Variants in EXOC4 observed in about 807,000 individuals in gnomAD.
EXOC4 encodes the protein exocyst complex component 4, also known as SEC8-like 1.
In EXOC4, 71 loss-of-function variants were observed where a neutral mutation model predicts 107.2. The observed-to-expected ratio is 0.66, with a 90% CI of 0.55 to 0.81. The LOEUF is 0.81. EXOC4 is among the 30% of genes least tolerant of loss of function. EXOC4 has a pLI of 0.00. For missense variants in EXOC4, 1,108 were observed against 1,189.6 expected (o/e 0.93, Z 1.01); for synonymous variants, 456 against 441.2 (o/e 1.03, Z -0.42).
intron 10 of EXOC4, among the ~76,000 whole-genome samples, chr7:133,767,183 A>G (rs1157485327): frequency 6.6e-6 from 1 of 151,754 alleles, no homozygotes; most frequent in African/African-American, 2.4e-5. Context: ...AATTTCTTCT[A>G]CCTAGTCACT....
At chr7:133,799,567 A>C (rs1009205429) in intron 10 of EXOC4, among the ~76,000 whole-genome samples, 5 of 152,206 alleles carry the variant, frequency 3.3e-5, no homozygotes, top group African/African-American at 4.8e-5. Context: ...GACAGAAATA[A>C]TTTTGGATTC....
chr7:133,522,014 G>A (rs1799991082), intron 9 of EXOC4, among the ~76,000 whole-genome samples: 1 of 151,894 alleles, frequency 6.6e-6, no homozygotes, highest in Admixed American at 6.6e-5. Flanking sequence ...GATTTGAGTA[G>A]TTTATGACTC....
chr7:133,856,453 G>A (rs184311399), intron 11 of EXOC4, among the ~76,000 whole-genome samples: 1 of 152,324 alleles, frequency 6.6e-6, no homozygotes, highest in Admixed American at 6.5e-5. Context: ...GTAATTGCCT[G>A]TTTACTTCTC....
chr7:134,076,525 AAGAC>A, the EXOC4 span, among the ~76,000 whole-genome samples: 8 of 152,124 alleles, frequency 5.3e-5, no homozygotes, highest in Non-Finnish European at 1.0e-4. Context: ...CTCAAAAAAA[AAGAC>A]AGAAGCAACA....
chr7:133,756,642 G>T (rs1474140438), intron 10 of EXOC4, among the ~76,000 whole-genome samples: 1 of 152,130 alleles, frequency 6.6e-6, no homozygotes, highest in African/African-American at 2.4e-5. Context: ...ACCATCTGGG[G>T]ATCAAGAATC....
chr7:133,855,138 T>A (rs1300610227), intron 11 of EXOC4, among the ~76,000 whole-genome samples: 28 of 126,490 alleles, frequency 2.2e-4, no homozygotes, highest in African/African-American at 9.0e-4. Context: ...AATATATATA[T>A]ATATAAATAT....
chr7:133,484,416 G>A (rs1222276816), intron 9 of EXOC4, among the ~76,000 whole-genome samples: 2 of 152,128 alleles, frequency 1.3e-5, no homozygotes, highest in Non-Finnish European at 2.9e-5. Context: ...GTACTTAGCA[G>A]TGCTGGGAGT....
chr7:133,584,731 A>G (rs1002630874), intron 9 of EXOC4, among the ~76,000 whole-genome samples: 5 of 152,122 alleles, frequency 3.3e-5, no homozygotes, highest in Admixed American at 2.6e-4. Context: ...GATACGCTCT[A>G]TCACACCCAG....
At chr7:133,950,986 C>T (rs546651674) in intron 14 of EXOC4, among the ~76,000 whole-genome samples, 2 of 152,316 alleles carry the variant, frequency 1.3e-5, no homozygotes, top group South Asian at 4.1e-4. Context: ...GCTAGAGAAA[C>T]ACCCCCACAA....
chr7:133,919,089 A>G (rs926407439), intron 13 of EXOC4, among the ~76,000 whole-genome samples: 3 of 152,178 alleles, frequency 2.0e-5, no homozygotes, highest in Non-Finnish European at 4.4e-5. Context: ...ATGATTCTTG[A>G]AAGTGCATGT....
At chr7:133,862,337 A>G (rs1451403069) in intron 11 of EXOC4, among the ~76,000 whole-genome samples, 2 of 152,056 alleles carry the variant, frequency 1.3e-5, no homozygotes, top group Non-Finnish European at 2.9e-5. Context: ...AAATACAAAA[A>G]AATTAGCCAA....
chr7:133,331,173 A>G (rs546551405), intron 5 of EXOC4, among the ~76,000 whole-genome samples: 1 of 152,224 alleles, frequency 6.6e-6, no homozygotes, highest in Non-Finnish European at 1.5e-5. Context: ...AATGATTAGC[A>G]TCCGCTTAGC....
In EXOC4 at chr7:133,385,557, G is replaced by A. The variant is rs539924472; in HGVS notation, c.1182+10555G>A. The stretch of plus-strand genomic sequence containing the variant: ...TCACAGAACTCCTTTGTTCAAGTGA[G>A]TTAATTCTTGGAGTAGTTACACTTT... On this transcript the variant is annotated intron_variant, in intron 7 of 17. Coordinates refer to ENST00000253861, the MANE Select transcript of EXOC4 (RefSeq NM_021807.4). Among the ~76,000 whole-genome samples the A allele has an allele frequency of 3.3e-5, 5 of 152,344 alleles. No individual in the cohort carries two copies. The East Asian group carries it at 5.8e-4, about 18-fold the overall frequency.
At chr7:133,360,316 C>T (rs1258924058) in intron 6 of EXOC4, among the ~76,000 whole-genome samples, 6 of 152,062 alleles carry the variant, frequency 3.9e-5, no homozygotes, top group Non-Finnish European at 8.8e-5. Flanking sequence ...GGTATCTTGT[C>T]AAGAATATGG....
At chr7:133,592,039 G>A (rs780707898) in intron 9 of EXOC4, among the ~76,000 whole-genome samples, 15 of 152,078 alleles carry the variant, frequency 9.9e-5, no homozygotes, top group Admixed American at 4.6e-4. Context: ...CTGCACTTGA[G>A]TTCTTTGCAG....
chr7:133,293,010 G>A (rs1308083019), intron 3 of EXOC4, among the ~76,000 whole-genome samples: 2 of 152,150 alleles, frequency 1.3e-5, no homozygotes, highest in Non-Finnish European at 2.9e-5. Flanking sequence ...TTAAATGAAT[G>A]ACAATGATAA....
At chr7:133,801,079 A>C (rs1796930479) in intron 10 of EXOC4, among the ~76,000 whole-genome samples, 1 of 152,220 alleles carries the variant, frequency 6.6e-6, no homozygotes, top group East Asian at 1.9e-4. Context: ...TAAAGAAATA[A>C]GAAAAAAATT....
chr7:133,686,976 T>G (rs1794313615), intron 10 of EXOC4, among the ~76,000 whole-genome samples: 1 of 150,814 alleles, frequency 6.6e-6, no homozygotes, highest in East Asian at 2.0e-4. Context: ...TATCAATCAA[T>G]GAGGGGATAA....
downstream of EXOC4, among the ~76,000 whole-genome samples, chr7:134,069,310 T>TTC (rs1563112397): frequency 0.033 from 4,350 of 130,114 alleles, 277 homozygotes; most frequent in African/African-American, 0.097. Context: ...TCCTCCTCCT[T>TTC]TCTTCCTTCT....
Sources: allele counts gnomAD v4.1 joint callset (sites outside exome capture counted in the v4.1 genomes callset), GRCh38; gene constraint gnomAD v4.1.1; transcripts MANE v1.5; gene names NCBI Gene and HGNC (gene_info 2026-07-23, HGNC 2026-07-21).